Variants in FGF12 observed in about 807,000 individuals in gnomAD.
The protein encoded by FGF12 is fibroblast growth factor 12B.
A neutral mutation model predicts 23.6 loss-of-function variants in FGF12; 14 were observed. That is an observed-to-expected ratio of 0.59 (90% CI 0.39 to 0.93). The LOEUF (loss-of-function observed/expected upper bound fraction) is 0.93. Ranked by LOEUF, FGF12 falls within the 40% of genes least tolerant of loss-of-function variation. The pLI is 0.00. For synonymous variants in FGF12, 62 were observed against 77.3 expected, an observed-to-expected ratio of 0.80 and a Z score of 1.04; for missense variants, 175 against 217.8, an observed-to-expected ratio of 0.80 and a Z score of 1.24.
chr3:192,594,910 T>C (rs1424546307), intron 2 of FGF12, among the ~76,000 whole-genome samples: 2 of 151,956 alleles, frequency 1.3e-5, no homozygotes, highest in African/African-American at 2.4e-5. Flanking sequence ...CATACAATTG[T>C]CTAGGCCCTA....
intron 2 of FGF12, among the ~76,000 whole-genome samples, chr3:192,571,254 G>C (rs915843487): frequency 3.3e-5 from 5 of 152,240 alleles, no homozygotes; most frequent in Non-Finnish European, 7.3e-5. Context: ...AGCAGAAAGG[G>C]AGGAATTCTG....
chr3:192,245,190 G>A (rs112462548), intron 4 of FGF12, among the ~76,000 whole-genome samples: 6 of 135,322 alleles, frequency 4.4e-5, no homozygotes, highest in Admixed American at 7.1e-5. Context: ...TGAACTCCTG[G>A]GCTCAAGCAA....
At position 192,665,040 on chromosome 3, in the gene FGF12, T is replaced by A. The variant is rs1577108081; in HGVS notation, c.13+62141A>T. On this transcript the variant is annotated intron_variant, in intron 2 of 5. Coordinates refer to ENST00000445105, the MANE Select transcript of FGF12 (RefSeq NM_004113.6). ...ATTTTTAGTGCATTAATCCTGAAAA[T>A]CCAGCAAAATCAGGACCATGGTTTA... Among the ~76,000 whole-genome samples, 3 of 152,208 alleles carry A rather than the reference T, an allele frequency of 2.0e-5. No homozygotes were observed. The East Asian group carries it at 5.8e-4, about 29-fold the overall frequency.
intron 2 of FGF12, among the ~76,000 whole-genome samples, chr3:192,513,455 T>G (rs189799724): frequency 1.5e-4 from 23 of 152,274 alleles, no homozygotes; most frequent in African/African-American, 4.3e-4. Context: ...TAATTCTAAT[T>G]AGGTCTTTTT....
chr3:192,456,433 A>G (rs1722683343), intron 2 of FGF12, among the ~76,000 whole-genome samples: 1 of 152,242 alleles, frequency 6.6e-6, no homozygotes, highest in African/African-American at 2.4e-5. Context: ...TGAATACCTC[A>G]TTAAAAATAC....
At chr3:192,417,457 C>T (rs572685769) in intron 2 of FGF12, among the ~76,000 whole-genome samples, 4 of 151,324 alleles carry the variant, frequency 2.6e-5, no homozygotes, top group African/African-American at 4.9e-5. Flanking sequence ...CCTGTAAGAA[C>T]GTAGTATAGT....
At chr3:192,381,851 C>G (rs1215005809) in intron 2 of FGF12, among the ~76,000 whole-genome samples, 1 of 151,982 alleles carries the variant, frequency 6.6e-6, no homozygotes, top group African/African-American at 2.4e-5. Context: ...GGACAGTGGC[C>G]CAAAGAGGAG....
At position 192,336,473 on chromosome 3, in the gene FGF12, C is replaced by G. The variant is rs1328167362; in HGVS notation, c.125-1009G>C. Among the ~76,000 whole-genome samples, 2 of 152,002 alleles carry G rather than the reference C, an allele frequency of 1.3e-5. No individual in the cohort carries two copies. The highest frequency in any genetic ancestry group is 1.3e-4 in the Admixed American group (2 of 15,252). On this transcript the variant is annotated intron_variant, in intron 3 of 5. Coordinates refer to ENST00000445105, the MANE Select transcript of FGF12 (RefSeq NM_004113.6). This position sits in a 1 kb window ranked among gnomAD's most constrained non-coding sequence, Gnocchi z 4.3. ...TCACGAAATGAGCATAAACAGAAAA[C>G]ACTGCCCCCACCCTGAAACAATTCA...
chr3:192,315,760 C>T (rs541167573), intron 4 of FGF12, among the ~76,000 whole-genome samples: 2 of 149,664 alleles, frequency 1.3e-5, no homozygotes, highest in East Asian at 1.9e-4. Context: ...TCAGGGTGAA[C>T]TGATTTCCTA....
intron 2 of FGF12, among the ~76,000 whole-genome samples, chr3:192,510,555 G>C (rs1724438443): frequency 6.6e-6 from 1 of 152,136 alleles, no homozygotes; most frequent in East Asian, 1.9e-4. Context: ...TTGAAAGACA[G>C]TTTGACACTG....
At chr3:192,223,230 C>T (rs1718562186) in intron 4 of FGF12, among the ~76,000 whole-genome samples, 1 of 152,084 alleles carries the variant, frequency 6.6e-6, no homozygotes, top group African/African-American at 2.4e-5. Flanking sequence ...TTAAAAACAA[C>T]ACAAAGCCCT....
At chr3:192,544,925 G>A (rs965663228) in intron 2 of FGF12, among the ~76,000 whole-genome samples, 1 of 152,090 alleles carries the variant, frequency 6.6e-6, no homozygotes. Flanking sequence ...CAGGGCAATC[G>A]CCGCAACTAC....
intron 4 of FGF12, among the ~76,000 whole-genome samples, chr3:192,308,553 G>A (rs9849033): frequency 6.6e-6 from 1 of 151,754 alleles, no homozygotes; most frequent in African/African-American, 2.4e-5. Flanking sequence ...GGTGGCGTGT[G>A]CCTCTAATCG....
At chr3:192,276,957 T>C (rs866553589) in intron 4 of FGF12, among the ~76,000 whole-genome samples, 3 of 152,184 alleles carry the variant, frequency 2.0e-5, no homozygotes, top group Non-Finnish European at 4.4e-5. Flanking sequence ...TTTTGTCCAA[T>C]CATATTTCTA....
At chr3:192,322,300 T>G (rs1716587450) in intron 4 of FGF12, among the ~76,000 whole-genome samples, 1 of 152,042 alleles carries the variant, frequency 6.6e-6, no homozygotes, top group South Asian at 2.1e-4. Context: ...TATAAAATAT[T>G]GATTCAATAA....
At chr3:192,457,969 G>A (rs1157399700) in intron 2 of FGF12, among the ~76,000 whole-genome samples, 1 of 152,222 alleles carries the variant, frequency 6.6e-6, no homozygotes, top group Non-Finnish European at 1.5e-5. Flanking sequence ...TCCAACTGTG[G>A]CTAAAAGTGG....
chr3:192,167,731 G>GTATATATATATATATATATA (rs11394352), intron 5 of FGF12, among the ~76,000 whole-genome samples: 9 of 25,046 alleles, frequency 3.6e-4, no homozygotes, highest in East Asian at 1.6e-3. Context: ...TAGGTTATAG[G>GTATATATATATATATATATA]TATATATATA....
At chr3:192,599,859 AGT>A (rs960639738) in intron 2 of FGF12, among the ~76,000 whole-genome samples, 15 of 152,236 alleles carry the variant, frequency 9.9e-5, no homozygotes, top group African/African-American at 3.6e-4. Context: ...AGAGAAAAAA[AGT>A]GTGGAGATAG....
chr3:192,159,051 C>G (rs1714716465), intron 5 of FGF12, among the ~76,000 whole-genome samples: 1 of 152,130 alleles, frequency 6.6e-6, no homozygotes, highest in African/African-American at 2.4e-5. Context: ...AAACAAAGAA[C>G]CCTACCATGT....
Sources: gnomAD v4.1 joint callset for allele counts (sites outside exome capture counted in the v4.1 genomes callset) on GRCh38, gnomAD v4.1.1 for gene constraint, Gnocchi (gnomAD v3.1) non-coding constraint, MANE v1.5 for transcripts, NCBI Gene and HGNC (gene_info 2026-07-23, HGNC 2026-07-21) for gene names.